MED26: variants seen among roughly 807,000 people sequenced by gnomAD.
MED26 encodes mediator of RNA polymerase II transcription subunit 26.
MED26 carries 7 observed loss-of-function variants against 43.7 expected under a neutral mutation model. The ratio of observed to expected loss-of-function variants is 0.16; its 90% confidence interval spans 0.09 to 0.30. MED26 has a LOEUF of 0.30. MED26 is among the 10% of genes least tolerant of loss of function. MED26 has a pLI of 1.00. For synonymous variants in MED26, 375 were observed against 371.1 expected (o/e 1.01, Z -0.12); for missense variants, 784 against 840.6 (o/e 0.93, Z 0.83).
chr19:16,577,932 G>T lies in MED26; in HGVS notation c.148-250C>A. The stretch of plus-strand genomic sequence containing the variant: ...AGCAGTGCTGTCACCCAGGCTCCTG[G>T]TGTCAGGGGGCTGTGGACCATCAAG... On this transcript the variant is annotated intron_variant, in intron 2 of 2. Transcript: ENST00000263390. The surrounding 1 kb of genome is among the most constrained non-coding windows in gnomAD (Gnocchi z 8.1). 1 of 473,736 alleles carries T rather than the reference G, an allele frequency of 2.1e-6. No individual in the cohort carries two copies. Among genetic ancestry groups the T allele is most frequent in the Non-Finnish European group, 3.7e-6 (1 of 268,656 alleles). 29.3% of individuals were successfully genotyped at this position (473,736 alleles called of 1,614,324 possible).
In MED26 at chr19:16,628,138, A is replaced by G. The variant is rs2086292729; in HGVS notation, c.-195T>C. ...CGGTCCCGGGCCGCCGCCGCCACCAAAGGAGGAGGAGGAGCCGCCGGAGCC... is the reference window on the plus strand; with the variant it reads ...CGGTCCCGGGCCGCCGCCGCCACCAGAGGAGGAGGAGGAGCCGCCGGAGCC... On this transcript the variant is annotated 5_prime_UTR_variant, in exon 1 of 3. Coordinates refer to ENST00000263390, the MANE Select transcript of MED26 (RefSeq NM_004831.5). 8.2e-6 allele frequency: 3 copies of G among 367,736 alleles called. No individual in the cohort carries two copies. Among genetic ancestry groups the G allele is most frequent in the Middle Eastern group, 7.2e-4 (1 of 1,386 alleles). 22.8% of individuals were successfully genotyped at this position (367,736 alleles called of 1,614,324 possible). A position where few individuals can be genotyped will look rare whatever the true frequency, so the allele number is the denominator to read the frequency against.
At chr19:16,599,206 T>C (rs749764238) in intron 1 of MED26, among the ~76,000 whole-genome samples, 6 of 152,194 alleles carry the variant, frequency 3.9e-5, no homozygotes, top group Non-Finnish European at 5.9e-5. Flanking sequence ...ACTTGGGTGA[T>C]ATTTCGTGGG....
intron 1 of MED26, among the ~76,000 whole-genome samples, chr19:16,622,576 C>A (rs1008327023): frequency 6.6e-6 from 1 of 152,202 alleles, no homozygotes. Context: ...TGAAAAGCGG[C>A]TGTTTTGGAA....
chr19:16,603,510 C>T (rs1314929114), intron 1 of MED26, among the ~76,000 whole-genome samples: 2 of 152,158 alleles, frequency 1.3e-5, no homozygotes, highest in African/African-American at 4.8e-5. Flanking sequence ...TAACTTCCCA[C>T]ACTATGCTGA....
intron 1 of MED26, 175 bp from the exon 2 acceptor site, chr19:16,578,584 AGTGCTCATCCTCACCTGCC>A (rs2086026477): frequency 1.6e-6 from 1 of 613,096 alleles, no homozygotes; most frequent in South Asian, 2.0e-5. Context: ...CCTGGCACCC[AGTGCTCATCCTCACCTGCC>A]GTCTGACCTC....
Position 16,614,398 on chromosome 19 carries a change from G to A in MED26, c.72+13474C>T, listed in dbSNP as rs371181066. Reference sequence around the variant, plus strand: ...CAAAAAATTAGCTGGGTGTGGTAGCGTGTGTCTGTAGTCTTAGCTACTCAG... The same window carrying A: ...CAAAAAATTAGCTGGGTGTGGTAGCATGTGTCTGTAGTCTTAGCTACTCAG... On this transcript the variant is annotated intron_variant, in intron 1 of 2. Transcript: ENST00000263390. Among the ~76,000 whole-genome samples, 80 of 152,224 alleles carry A rather than the reference G, an allele frequency of 5.3e-4. 1 individual carries two copies. Among genetic ancestry groups the A allele is most frequent in the African/African-American group, 1.8e-3 (74 of 41,534 alleles).
chr19:16,627,290 A>T (rs2122468963), intron 1 of MED26, among the ~76,000 whole-genome samples: 1 of 152,154 alleles, frequency 6.6e-6, no homozygotes, highest in South Asian at 2.1e-4. Flanking sequence ...GTGTCTAGTC[A>T]CAGAAGGGAG....
chr19:16,614,191 G>A (rs1195908606), intron 1 of MED26, among the ~76,000 whole-genome samples: 1 of 152,148 alleles, frequency 6.6e-6, no homozygotes, highest in Admixed American at 6.5e-5. Context: ...AAGCAGCTGA[G>A]AAGGACCTGA....
chr19:16,607,375 GAAAAAAAAAA>G (rs898413432), intron 1 of MED26, among the ~76,000 whole-genome samples: 1 of 111,498 alleles, frequency 9.0e-6, no homozygotes, highest in African/African-American at 3.3e-5. Flanking sequence ...CTTTTGTGGG[GAAAAAAAAAA>G]AAAAAAAAAA....
chr19:16,622,896 C>T (rs550658395), intron 1 of MED26, among the ~76,000 whole-genome samples: 2 of 152,272 alleles, frequency 1.3e-5, no homozygotes, highest in African/African-American at 4.8e-5. Context: ...TGCTCGCAGA[C>T]CCCAAAACCA....
intron 1 of MED26, among the ~76,000 whole-genome samples, chr19:16,606,240 C>T (rs760769021): frequency 5.3e-5 from 8 of 152,188 alleles, no homozygotes; most frequent in Non-Finnish European, 1.2e-4. Flanking sequence ...CCAGCACAGT[C>T]AGCACAAAGC....
chr19:16,619,818 G>A (rs1318134528), intron 1 of MED26, among the ~76,000 whole-genome samples: 3 of 152,222 alleles, frequency 2.0e-5, no homozygotes, highest in East Asian at 1.9e-4. Flanking sequence ...CAGCAGCCAC[G>A]AGGCTGACCC....
At chr19:16,599,011 G>A (rs1051674305) in intron 1 of MED26, among the ~76,000 whole-genome samples, 5 of 152,184 alleles carry the variant, frequency 3.3e-5, no homozygotes, top group African/African-American at 9.7e-5. Context: ...GCCCCTCCCC[G>A]CTTGGGGACA....
intron 1 of MED26, among the ~76,000 whole-genome samples, chr19:16,585,102 C>T (rs997447771): frequency 2.0e-5 from 3 of 152,124 alleles, no homozygotes; most frequent in Non-Finnish European, 4.4e-5. Flanking sequence ...CTGGTGAGAC[C>T]CCAGGAGCCC....
At chr19:16,583,234 T>A (rs1039552409) in intron 1 of MED26, among the ~76,000 whole-genome samples, 6 of 152,234 alleles carry the variant, frequency 3.9e-5, no homozygotes, top group Admixed American at 3.9e-4. Flanking sequence ...GGATTCTCCC[T>A]TGGGATTTGT....
At position 16,577,696 on chromosome 19, in the gene MED26, G is replaced by A. The variant is rs560228453; in HGVS notation, c.148-14C>T. 3 of 1,548,808 alleles carry A rather than the reference G, an allele frequency of 1.9e-6. No homozygotes were observed. Among genetic ancestry groups the A allele is most frequent in the East Asian group, 2.3e-5 (1 of 43,770 alleles). ...AAGTCGTGTTTCCTACAACCAGAGG[G>A]AGATGATGACATACTTTCGGGACAG... On this transcript the variant is annotated splice_polypyrimidine_tract_variant and intron_variant, in intron 2 of 2. Coordinates refer to ENST00000263390, the MANE Select transcript of MED26 (RefSeq NM_004831.5). The surrounding 1 kb of genome is among the most constrained non-coding windows in gnomAD (Gnocchi z 8.1).
chr19:16,597,553 C>T (rs569188948), intron 1 of MED26: 10 of 398,088 alleles, frequency 2.5e-5, no homozygotes, highest in East Asian at 1.1e-4. Flanking sequence ...AGTTTGCCAT[C>T]GGAAAATATG....
chr19:16,615,753 GAAA>G (rs34085264), intron 1 of MED26, among the ~76,000 whole-genome samples: 1 of 134,668 alleles, frequency 7.4e-6, no homozygotes, highest in Admixed American at 7.4e-5. Flanking sequence ...CTCTGGGGGA[GAAA>G]AAAAAAAAAA....
chr19:16,590,713 C>A (rs1044300381), intron 1 of MED26, among the ~76,000 whole-genome samples: 1 of 152,116 alleles, frequency 6.6e-6, no homozygotes, highest in Admixed American at 6.6e-5. Flanking sequence ...TTCTGCTATG[C>A]GCAGTTTATT....
Sources: allele counts gnomAD v4.1 joint callset (sites outside exome capture counted in the v4.1 genomes callset), GRCh38; gene constraint gnomAD v4.1.1; non-coding constraint Gnocchi (gnomAD v3.1); transcripts MANE v1.5; gene names NCBI Gene and HGNC (gene_info 2026-07-23, HGNC 2026-07-21).